The following TRANK1 variants were observed in gnomAD, a reference collection of about 807,000 sequenced individuals.
TRANK1 encodes TPR and ankyrin repeat-containing protein 1.
Under a neutral mutation model 266.0 loss-of-function variants are expected in TRANK1, and 198 were observed. The ratio of observed to expected loss-of-function variants is 0.74; its 90% CI spans 0.66 to 0.84. TRANK1 has a LOEUF of 0.84. Among genes scored for constraint, TRANK1 ranks in the 40% least tolerant of loss-of-function variants. TRANK1 has a pLI of 0.00. For missense variants in TRANK1, 3,326 were observed against 3,634.6 expected (o/e 0.92, Z 2.18); for synonymous variants, 1,396 against 1,384.1 (o/e 1.01, Z -0.19).
rs1386024293 is a variant in TRANK1 at position 36,856,249 on chromosome 3, T to C, written c.3473A>G (p.Tyr1158Cys). ...ETVESIDEQE[Y>C]EACAGGAGVE... ...ACCGGCTCCTCCTGCGCAGGCTTCA[T>C]ACTCCTGCTCATCTATGCTTTCTAC... is the stretch of plus-strand genomic sequence containing the variant. The change falls in exon 13 of 24, where the codon TAT (tyrosine) becomes TGT (cysteine). Residue 1158 changes from tyrosine to cysteine, a missense_variant. Tyr to Cys is a radical substitution (Grantham distance 194). Transcript: ENST00000645898. The C allele has an allele frequency of 1.9e-6, 3 of 1,611,974 alleles. No homozygotes were observed. Among genetic ancestry groups the C allele is most frequent in the African/African-American group, 2.7e-5 (2 of 74,880 alleles).
chr3:36,878,265 T>G (rs2079418775), intron 8 of TRANK1, among the ~76,000 whole-genome samples: 1 of 152,088 alleles, frequency 6.6e-6, no homozygotes, highest in African/African-American at 2.4e-5. Flanking sequence ...GGTGGAACAG[T>G]TTCAGCCCAA....
At chr3:36,862,224 A>T (rs1441993485) in intron 10 of TRANK1, among the ~76,000 whole-genome samples, 1 of 152,150 alleles carries the variant, frequency 6.6e-6, no homozygotes, top group African/African-American at 2.4e-5. Flanking sequence ...TTGTCTGGCA[A>T]CCCTACCACT....
At chr3:36,889,458 G>A (rs2079655912) in intron 8 of TRANK1, among the ~76,000 whole-genome samples, 1 of 152,176 alleles carries the variant, frequency 6.6e-6, no homozygotes. Context: ...AGAACCATGT[G>A]CAGTTCAGTT....
At chr3:36,829,747 T>A (rs2078670730) in intron 22 of TRANK1, 85 bp from the exon 23 acceptor site, 1 of 1,391,486 alleles carries the variant, frequency 7.2e-7, no homozygotes, top group Non-Finnish European at 1.0e-6. Flanking sequence ...AGTCCCCACA[T>A]CCCAAGAGCT....
At chr3:36,923,572 C>A (rs147061462) in intron 1 of TRANK1, among the ~76,000 whole-genome samples, 1 of 152,082 alleles carries the variant, frequency 6.6e-6, no homozygotes, top group Admixed American at 6.6e-5. Flanking sequence ...AATTCTTTTA[C>A]CCCCATGCCA....
At chr3:36,925,933 G>A (rs904261198) in intron 1 of TRANK1, among the ~76,000 whole-genome samples, 1 of 152,072 alleles carries the variant, frequency 6.6e-6, no homozygotes. Flanking sequence ...TCTACTGCAG[G>A]CTCTCAGTAA....
In TRANK1 at chr3:36,892,868, T is replaced by TATAG. The variant is rs780557970; in HGVS notation, c.636+29_636+32dup. 2.7e-5 allele frequency: 18 copies of TATAG among 673,600 alleles called. No individual in the cohort carries two copies. In the African/African-American group the frequency reaches 3.2e-4, roughly 12 times the overall value. 41.7% of individuals were successfully genotyped at this position (673,600 alleles called of 1,614,324 possible). On this transcript the variant is annotated intron_variant, in intron 6 of 23. Coordinates refer to ENST00000645898, the MANE Select transcript of TRANK1 (RefSeq NM_001329998.2). ...AAAACAAAACATATATATATATATA[T>TATAG]ATAGATATATATAGATATATATATC...
chr3:36,879,938 GTAAACATGC>G lies in TRANK1; in HGVS notation c.908-5651_908-5643del, dbSNP rs2079489796. On this transcript the variant is annotated intron_variant, in intron 8 of 23. Transcript: ENST00000645898. ...AATATATGTAAACATGCAAATATATGTAAACATGCAAATATATGTAAACATGCAAATATA... is the reference window on the plus strand; with the variant it reads ...AATATATGTAAACATGCAAATATATGAAATATATGTAAACATGCAAATATA... 4.0e-4 allele frequency among the ~76,000 whole-genome samples: 5 copies of G among 12,444 alleles called. 1 individual carries two copies. The highest frequency in any genetic ancestry group is 6.9e-4 in the Non-Finnish European group (5 of 7,260). 8.2% of individuals were successfully genotyped at this position (12,444 alleles called of 152,430 possible).
intron 7 of TRANK1, among the ~76,000 whole-genome samples, chr3:36,891,543 G>A (rs2079696246): frequency 6.6e-6 from 1 of 152,198 alleles, no homozygotes; most frequent in Non-Finnish European, 1.5e-5. Context: ...TGCTATGGGT[G>A]AATGTCCCAC....
rs886768732 is a variant in TRANK1 at position 36,851,928 on chromosome 3, G to A, written c.4750-72C>T. On this transcript the variant is annotated intron_variant, in intron 14 of 23. Transcript: ENST00000645898. ...TAAGCCTCAGTCTATTTCTATGGGA[G>A]ATAGGTAATGTTTTTAAAGAGAAAT... The A allele has an allele frequency of 2.3e-5, 34 of 1,489,162 alleles. No individual in the cohort carries two copies. The African/African-American group carries it at 4.4e-4, about 19-fold the overall frequency. The allele number at this position is 1,489,162 out of a possible 1,614,324, so 92.2% of individuals were successfully genotyped here. A position where few individuals can be genotyped will look rare whatever the true frequency, so the allele number is the denominator to read the frequency against.
Position 36,903,431 on chromosome 3 carries a change from C to A in TRANK1, c.156-156G>T, listed in dbSNP as rs527237010. 2.3e-4 allele frequency among the ~76,000 whole-genome samples: 35 copies of A among 152,344 alleles called. No individual in the cohort carries two copies. The East Asian group carries it at 6.6e-3, about 29-fold the overall frequency. ...TCAGATCAGTCTCCCAGACCCCAAA[C>A]GAGCCTGGAACATTTACAATATATA... On this transcript the variant is annotated intron_variant, in intron 2 of 23. Transcript: ENST00000645898.
intron 2 of TRANK1, among the ~76,000 whole-genome samples, 180 bp downstream of exon 2, chr3:36,908,143 A>G (rs2080000420): frequency 1.3e-5 from 2 of 152,216 alleles, no homozygotes; most frequent in Admixed American, 6.5e-5. Flanking sequence ...TTCACTTTCT[A>G]TTTCCCTTCT....
intron 8 of TRANK1, among the ~76,000 whole-genome samples, chr3:36,879,833 A>AAC (rs2079474920): frequency 3.5e-5 from 4 of 115,638 alleles, no homozygotes; most frequent in Non-Finnish European, 5.0e-5. Flanking sequence ...AATATATGTA[A>AAC]ATATACAAAT....
intron 15 of TRANK1, among the ~76,000 whole-genome samples, chr3:36,847,730 T>C (rs748507256): frequency 6.6e-6 from 1 of 152,236 alleles, no homozygotes; most frequent in Non-Finnish European, 1.5e-5. Flanking sequence ...GCCGTTAAGA[T>C]ACATGTGGCA....
At chr3:36,915,125 G>A (rs2080107365) in intron 1 of TRANK1, among the ~76,000 whole-genome samples, 1 of 151,944 alleles carries the variant, frequency 6.6e-6, no homozygotes, top group Non-Finnish European at 1.5e-5. Flanking sequence ...CTAATTTTTT[G>A]TATTTTTAGT....
intron 15 of TRANK1, chr3:36,850,917 G>A (rs2125534951): frequency 1.0e-6 from 1 of 985,508 alleles, no homozygotes; most frequent in Middle Eastern, 5.2e-4. Flanking sequence ...TCTGCAACAA[G>A]GACTGGGACA....
Position 36,855,689 on chromosome 3 carries a change from G to A in TRANK1, c.4033C>T (p.Leu1345=). 4 of 1,613,764 alleles carry A rather than the reference G, an allele frequency of 2.5e-6. No homozygotes were observed. Among genetic ancestry groups the A allele is most frequent in the Non-Finnish European group, 3.4e-6 (4 of 1,179,860 alleles). The change falls in exon 13 of 24, where the codon CTG becomes TTG. Residue 1345 remains leucine, a synonymous_variant. Coordinates refer to ENST00000645898, the MANE Select transcript of TRANK1 (RefSeq NM_001329998.2). The part of the protein sequence containing the change: ...TKGRTAYNPA[L]IWKEIKSFLK... ...AAAGATTTTATTTCTTTCCAAATCA[G>A]TGCAGGGTTGTAGGCAGTCCTCCCT...
intron 6 of TRANK1, 121 bp from the exon 7 acceptor site, chr3:36,892,461 G>T: frequency 8.2e-7 from 1 of 1,218,220 alleles, no homozygotes; most frequent in Non-Finnish European, 1.1e-6. Flanking sequence ...TCCAAGCCTA[G>T]GATTATTATA....
intron 8 of TRANK1, among the ~76,000 whole-genome samples, chr3:36,877,753 T>C (rs1415280477): frequency 6.6e-6 from 1 of 152,104 alleles, no homozygotes; most frequent in Non-Finnish European, 1.5e-5. Context: ...ACAAAAAAAG[T>C]TTTAGTAGTT....
Sources: gnomAD v4.1 joint callset for allele counts (sites outside exome capture counted in the v4.1 genomes callset) on GRCh38, gnomAD v4.1.1 for gene constraint, MANE v1.5 for transcripts, NCBI Gene and HGNC (gene_info 2026-07-23, HGNC 2026-07-21) for gene names.